Variants in ULK4 observed in about 807,000 individuals in gnomAD.
ULK4 encodes inactive serine/threonine-protein kinase ULK4.
ULK4 carries 133 observed loss-of-function variants against 160.6 expected under a neutral mutation model. That is an observed-to-expected ratio of 0.83 (90% CI 0.72 to 0.96). The LOEUF is 0.96. ULK4 is among the 40% of genes least tolerant of loss of function. The probability of loss-of-function intolerance (pLI) is 0.00; values close to 1 mark genes in which losing one functional copy is unlikely to be tolerated. For synonymous variants in ULK4, 534 were observed against 539.8 expected (o/e 0.99, Z 0.15); for missense variants, 1,580 against 1,499.5 (o/e 1.05, Z -0.89).
intron 17 of ULK4, among the ~76,000 whole-genome samples, chr3:41,840,866 G>A (rs557959159): frequency 2.0e-5 from 3 of 151,246 alleles, no homozygotes; most frequent in South Asian, 4.2e-4. Context: ...CCCTCTGCCT[G>A]GCTGCCCCAT....
chr3:41,586,704 A>G (rs1414084137), intron 31 of ULK4, among the ~76,000 whole-genome samples: 1 of 152,194 alleles, frequency 6.6e-6, no homozygotes, highest in Non-Finnish European at 1.5e-5. Context: ...AGAATATGTT[A>G]AATGACATAT....
intron 17 of ULK4, among the ~76,000 whole-genome samples, chr3:41,875,173 T>C (rs1230928159): frequency 6.6e-6 from 1 of 152,122 alleles, no homozygotes; most frequent in Non-Finnish European, 1.5e-5. Flanking sequence ...AGCGAGACCC[T>C]GCCTAAACAA....
chr3:41,460,373 C>T (rs1175287575), intron 33 of ULK4, among the ~76,000 whole-genome samples: 1 of 152,146 alleles, frequency 6.6e-6, no homozygotes, highest in East Asian at 1.9e-4. Context: ...GGGTTTGGTC[C>T]CCTGCCTCAT....
intron 32 of ULK4, among the ~76,000 whole-genome samples, chr3:41,513,437 A>C (rs2085653206): frequency 6.6e-6 from 1 of 152,192 alleles, no homozygotes. Context: ...AGAGATCAAG[A>C]CCATCCTGGC....
chr3:41,907,349 T>C (rs1426767094), intron 12 of ULK4, among the ~76,000 whole-genome samples: 3 of 151,838 alleles, frequency 2.0e-5, no homozygotes, highest in African/African-American at 4.8e-5. Flanking sequence ...CAGGCTGGAG[T>C]GCGGTGGTGC....
intron 35 of ULK4, among the ~76,000 whole-genome samples, chr3:41,264,914 C>G (rs1157012686): frequency 6.6e-6 from 1 of 152,190 alleles, no homozygotes; most frequent in African/African-American, 2.4e-5. Context: ...TGAGCAAAAA[C>G]ACCTCTGCTG....
chr3:41,955,455 G>A (rs1169687886), intron 1 of ULK4: 1 of 152,310 alleles, frequency 6.6e-6, no homozygotes, highest in Non-Finnish European at 1.5e-5. Flanking sequence ...ATGGCTCTGC[G>A]CGACCCTGTG....
intron 16 of ULK4, among the ~76,000 whole-genome samples, chr3:41,889,666 T>C (rs1353931933): frequency 6.6e-6 from 1 of 152,206 alleles, no homozygotes. Flanking sequence ...AAATCTGTAT[T>C]ATGTACCCCT....
chr3:41,569,938 G>A (rs2087913092), intron 31 of ULK4, among the ~76,000 whole-genome samples: 1 of 152,144 alleles, frequency 6.6e-6, no homozygotes, highest in Admixed American at 6.5e-5. Flanking sequence ...ACTTACATGG[G>A]CAGAAGCATT....
chr3:41,562,475 A>G (rs1399772166), intron 32 of ULK4, among the ~76,000 whole-genome samples: 1 of 152,124 alleles, frequency 6.6e-6, no homozygotes, highest in African/African-American at 2.4e-5. Flanking sequence ...AAAGTCTCCC[A>G]TTATTATTGT....
chr3:41,933,836 G>A (rs181895616), intron 4 of ULK4, among the ~76,000 whole-genome samples: 3 of 152,224 alleles, frequency 2.0e-5, no homozygotes, highest in Non-Finnish European at 2.9e-5. Context: ...GATCACCTGA[G>A]GTCAGGAGTT....
intron 32 of ULK4, among the ~76,000 whole-genome samples, chr3:41,565,793 A>G (rs969104251): frequency 6.6e-6 from 1 of 152,156 alleles, no homozygotes; most frequent in Non-Finnish European, 1.5e-5. Flanking sequence ...TTACACCTCT[A>G]TTTCTTGGTT....
At chr3:41,703,349 T>C (rs2036749267) in intron 27 of ULK4, among the ~76,000 whole-genome samples, 1 of 152,030 alleles carries the variant, frequency 6.6e-6, no homozygotes, top group African/African-American at 2.4e-5. Flanking sequence ...ATTCTCTAAC[T>C]TCAAAGCAGT....
At chr3:41,846,599 G>A (rs1266701289) in intron 17 of ULK4, among the ~76,000 whole-genome samples, 1 of 152,024 alleles carries the variant, frequency 6.6e-6, no homozygotes, top group African/African-American at 2.4e-5. Context: ...GAGGTCAGGA[G>A]TTCAAAACCA....
chr3:41,397,648 A>G (rs2082090059), intron 35 of ULK4, among the ~76,000 whole-genome samples: 1 of 152,170 alleles, frequency 6.6e-6, no homozygotes, highest in African/African-American at 2.4e-5. Context: ...CTACCAAAAT[A>G]CATAATCCTA....
At chr3:41,960,044 ATTTT>A (rs11359429) in intron 1 of ULK4, among the ~76,000 whole-genome samples, 20 of 148,710 alleles carry the variant, frequency 1.3e-4, no homozygotes, top group African/African-American at 4.9e-4. Flanking sequence ...TAAAATCTTG[ATTTT>A]TTTTTTTTTT....
chr3:41,525,818 A>G (rs1472169267), intron 32 of ULK4, among the ~76,000 whole-genome samples: 1 of 152,184 alleles, frequency 6.6e-6, no homozygotes, highest in Non-Finnish European at 1.5e-5. Flanking sequence ...CTGTAAAAAT[A>G]CTAATCATGC....
chr3:41,537,202 T>TG (rs2086534440), intron 32 of ULK4, among the ~76,000 whole-genome samples: 1 of 151,674 alleles, frequency 6.6e-6, no homozygotes, highest in African/African-American at 2.4e-5. Flanking sequence ...ATTTTTTTTT[T>TG]GTTGCCATAT....
chr3:41,698,624 T>C (rs1309581302), intron 27 of ULK4, among the ~76,000 whole-genome samples: 3 of 152,330 alleles, frequency 2.0e-5, no homozygotes, highest in African/African-American at 7.2e-5. Flanking sequence ...TCAACCTGTA[T>C]ATAGGCTTAC....
Sources: gnomAD v4.1 joint callset for allele counts (sites outside exome capture counted in the v4.1 genomes callset) on GRCh38, gnomAD v4.1.1 for gene constraint, MANE v1.5 for transcripts, NCBI Gene and HGNC (gene_info 2026-07-23, HGNC 2026-07-21) for gene names.